ITFG1: variants seen among roughly 807,000 people sequenced by gnomAD.
ITFG1 encodes T-cell immunomodulatory protein.
In ITFG1, 34 loss-of-function variants were observed where a neutral mutation model predicts 81.8. That is an observed-to-expected ratio of 0.42 (90% confidence interval 0.32 to 0.55). The LOEUF is 0.55. Ranked by LOEUF, ITFG1 falls within the 20% of genes least tolerant of loss-of-function variation. The pLI is 0.17. For synonymous variants in ITFG1, 285 were observed against 270.6 expected, an observed-to-expected ratio of 1.05 and a Z score of -0.52; for missense variants, 672 against 755.4, an observed-to-expected ratio of 0.89 and a Z score of 1.29.
At chr16:47,377,154 A>G (rs1335408971) in intron 6 of ITFG1, among the ~76,000 whole-genome samples, 1 of 152,080 alleles carries the variant, frequency 6.6e-6, no homozygotes, top group Non-Finnish European at 1.5e-5. Flanking sequence ...TGTAATAATA[A>G]AGATTTTCAT....
intron 14 of ITFG1, among the ~76,000 whole-genome samples, chr16:47,213,258 G>C: frequency 6.6e-6 from 1 of 152,104 alleles, no homozygotes; most frequent in Admixed American, 6.6e-5. Flanking sequence ...ATTGTGGTTG[G>C]AGAATACTCT....
intron 14 of ITFG1, among the ~76,000 whole-genome samples, chr16:47,201,871 T>A (rs1331505296): frequency 6.6e-6 from 1 of 152,230 alleles, no homozygotes; most frequent in Non-Finnish European, 1.5e-5. Context: ...TCTGGCACAA[T>A]ACCATATATA....
chr16:47,316,512 T>C lies in ITFG1; in HGVS notation c.803-2689A>G, dbSNP rs557013422. 2.4e-4 allele frequency among the ~76,000 whole-genome samples: 36 copies of C among 152,310 alleles called. 1 individual carries two copies. The South Asian group carries it at 4.4e-3, about 18-fold the overall frequency. ...TACAATACAGTTAACAATTCACAGT[T>C]TACACACAAACAATGCATTTATCCA... is the stretch of plus-strand genomic sequence containing the variant. On this transcript the variant is annotated intron_variant, in intron 8 of 17. Transcript: ENST00000320640.
intron 12 of ITFG1, among the ~76,000 whole-genome samples, chr16:47,251,802 A>G (rs1279191179): frequency 2.0e-5 from 3 of 152,270 alleles, no homozygotes; most frequent in Non-Finnish European, 4.4e-5. Flanking sequence ...ATAATAAAAT[A>G]GAACAATTGT....
intron 10 of ITFG1, among the ~76,000 whole-genome samples, chr16:47,285,761 C>A (rs529034920): frequency 1.3e-5 from 2 of 152,244 alleles, no homozygotes; most frequent in South Asian, 4.2e-4. Context: ...TTTTCCTACA[C>A]AATTATATTA....
chr16:47,230,667 T>A (rs1217836483), intron 13 of ITFG1, among the ~76,000 whole-genome samples: 1 of 152,138 alleles, frequency 6.6e-6, no homozygotes, highest in Non-Finnish European at 1.5e-5. Flanking sequence ...GGCACGCTGA[T>A]TTTCAGTCAA....
chr16:47,268,913 C>A (rs1212692795), intron 10 of ITFG1, among the ~76,000 whole-genome samples: 3 of 152,086 alleles, frequency 2.0e-5, no homozygotes, highest in African/African-American at 7.2e-5. Context: ...GAAAATAATA[C>A]AATCATCTAA....
At chr16:47,230,210 T>C (rs1232266239) in intron 13 of ITFG1, among the ~76,000 whole-genome samples, 1 of 151,984 alleles carries the variant, frequency 6.6e-6, no homozygotes, top group Non-Finnish European at 1.5e-5. Flanking sequence ...ATTTGAAAGA[T>C]AGGCAGAAGA....
At chr16:47,190,719 A>AAT (rs1965282282) in intron 14 of ITFG1, among the ~76,000 whole-genome samples, 1 of 152,232 alleles carries the variant, frequency 6.6e-6, no homozygotes, top group Non-Finnish European at 1.5e-5. Flanking sequence ...AGAATACTAC[A>AAT]TTCTTTCTTG....
chr16:47,317,732 C>T (rs12925877), intron 8 of ITFG1: 56,569 of 152,042 alleles, frequency 0.37, 12,031 homozygotes, highest in East Asian at 0.74. Context: ...CCCATTGATG[C>T]CAGGGGGTGC....
intron 10 of ITFG1, among the ~76,000 whole-genome samples, chr16:47,302,334 G>A (rs1415411075): frequency 6.6e-6 from 1 of 151,422 alleles, no homozygotes. Flanking sequence ...GTTAAAAGAA[G>A]TCCTGCTGAG....
chr16:47,428,731 C>T, intron 6 of ITFG1, 73 bp downstream of exon 6: 1 of 881,814 alleles, frequency 1.1e-6, no homozygotes, highest in Non-Finnish European at 1.9e-6. Flanking sequence ...CAATTAAATA[C>T]AAAGTGTACA....
At position 47,427,438 on chromosome 16, in the gene ITFG1, C is replaced by A. The variant is rs373385253; in HGVS notation, c.655+1366G>T. Among the ~76,000 whole-genome samples, 159 of 152,224 alleles carry A rather than the reference C, an allele frequency of 1.0e-3. 7 individuals are homozygous for A. In the South Asian group the frequency reaches 0.032, roughly 31 times the overall value. On this transcript the variant is annotated intron_variant, in intron 6 of 17. Coordinates refer to ENST00000320640, the MANE Select transcript of ITFG1 (RefSeq NM_030790.5). ...TTGGGAGTCTGAGGTGGGTGAATTGCCTGAGCTCTGGAGTTCGAGACCAGC... is the reference window on the plus strand; with the variant it reads ...TTGGGAGTCTGAGGTGGGTGAATTGACTGAGCTCTGGAGTTCGAGACCAGC...
At chr16:47,311,437 G>T in intron 9 of ITFG1, 25 bp from the exon 10 acceptor site, 2 of 1,515,530 alleles carry the variant, frequency 1.3e-6, no homozygotes, top group Non-Finnish European at 1.8e-6. Context: ...AAAAAGATCA[G>T]ACTTTATAGT....
intron 14 of ITFG1, among the ~76,000 whole-genome samples, chr16:47,199,039 T>G (rs1370946285): frequency 1.3e-5 from 2 of 152,148 alleles, no homozygotes; most frequent in Non-Finnish European, 2.9e-5. Flanking sequence ...TTTGGGAGGC[T>G]GAGACAGGTG....
At chr16:47,191,851 A>C (rs895879254) in intron 14 of ITFG1, among the ~76,000 whole-genome samples, 5 of 152,120 alleles carry the variant, frequency 3.3e-5, no homozygotes, top group African/African-American at 1.2e-4. Context: ...TTGGTCTGTC[A>C]TCCAGGCTGA....
At chr16:47,418,327 T>C (rs951336295) in intron 6 of ITFG1, among the ~76,000 whole-genome samples, 3 of 152,174 alleles carry the variant, frequency 2.0e-5, no homozygotes, top group African/African-American at 7.2e-5. Context: ...TTATACAGGT[T>C]GCCTCTTACT....
At chr16:47,179,007 C>CA (rs1855715285) in intron 14 of ITFG1, among the ~76,000 whole-genome samples, 1 of 152,084 alleles carries the variant, frequency 6.6e-6, no homozygotes, top group African/African-American at 2.4e-5. Flanking sequence ...CAGAGAAATG[C>CA]AAATCAAAAC....
At chr16:47,427,595 C>T (rs544391234) in intron 6 of ITFG1, among the ~76,000 whole-genome samples, 2 of 152,154 alleles carry the variant, frequency 1.3e-5, no homozygotes, top group South Asian at 2.1e-4. Flanking sequence ...CACTGCACTA[C>T]AGCCTGGGCG....
Sources: gnomAD v4.1 joint callset for allele counts (sites outside exome capture counted in the v4.1 genomes callset) on GRCh38, gnomAD v4.1.1 for gene constraint, MANE v1.5 for transcripts, NCBI Gene and HGNC (gene_info 2026-07-23, HGNC 2026-07-21) for gene names.